Variants in ZEB1 observed in about 807,000 individuals in gnomAD.
ZEB1 encodes zinc finger E-box binding homeobox 1.
In ZEB1, 21 loss-of-function variants were observed where a neutral mutation model predicts 84.9. The ratio of observed to expected loss-of-function variants is 0.25; its 90% confidence interval spans 0.18 to 0.36. The LOEUF is 0.36. Among genes scored for constraint, ZEB1 ranks in the 10% least tolerant of loss-of-function variants. ZEB1 has a pLI of 1.00. For synonymous variants in ZEB1, 420 were observed against 471.1 expected (o/e 0.89, Z 1.41); for missense variants, 1,104 against 1,330.2 (o/e 0.83, Z 2.65).
intron 1 of ZEB1, among the ~76,000 whole-genome samples, chr10:31,390,320 C>A (rs546940644): frequency 6.6e-6 from 1 of 152,046 alleles, no homozygotes; most frequent in African/African-American, 2.4e-5. Context: ...TCTTTCTCTG[C>A]GCAGGATTTT....
At chr10:31,469,355 G>A (rs1373493807) in intron 2 of ZEB1, among the ~76,000 whole-genome samples, 5 of 152,142 alleles carry the variant, frequency 3.3e-5, no homozygotes, top group South Asian at 2.1e-4. Context: ...GTGGGTGCGC[G>A]CACCATGCGT....
intron 2 of ZEB1, among the ~76,000 whole-genome samples, chr10:31,466,967 A>G (rs2137688692): frequency 6.6e-6 from 1 of 152,320 alleles, no homozygotes; most frequent in Admixed American, 6.5e-5. Flanking sequence ...TTCTACAGAG[A>G]GGAACCAAAA....
At chr10:31,461,276 A>G in intron 2 of ZEB1, 39 bp downstream of exon 2, 1 of 1,551,704 alleles carries the variant, frequency 6.4e-7, no homozygotes. Flanking sequence ...TATTCTCATG[A>G]TTCGTTTTTT....
At chr10:31,361,303 C>T in intron 1 of ZEB1, 1 of 1,290,734 alleles carries the variant, frequency 7.7e-7, no homozygotes. Context: ...AGCCATTCTC[C>T]TGCCTCAGCC....
chr10:31,442,979 G>A (rs529738643), intron 1 of ZEB1, among the ~76,000 whole-genome samples: 13 of 151,852 alleles, frequency 8.6e-5, no homozygotes, highest in Non-Finnish European at 1.8e-4. Flanking sequence ...AAGTATAGAG[G>A]GACTGAGATA....
chr10:31,325,679 A>C (rs1233644286), intron 1 of ZEB1, among the ~76,000 whole-genome samples: 1 of 151,984 alleles, frequency 6.6e-6, no homozygotes. Context: ...ATTCAGATTT[A>C]AAATTAAATG....
chr10:31,453,658 A>G (rs2060859920), intron 1 of ZEB1, among the ~76,000 whole-genome samples: 1 of 152,224 alleles, frequency 6.6e-6, no homozygotes, highest in Non-Finnish European at 1.5e-5. Flanking sequence ...AAAATCTGGA[A>G]GAAATGGATA....
intron 1 of ZEB1, among the ~76,000 whole-genome samples, chr10:31,342,349 A>G (rs1218688993): frequency 6.6e-6 from 1 of 152,164 alleles, no homozygotes. Context: ...CTGATGGAAA[A>G]TAGAGAAATT....
chr10:31,355,872 G>A (rs1006574765), intron 1 of ZEB1, among the ~76,000 whole-genome samples: 2 of 152,044 alleles, frequency 1.3e-5, no homozygotes, highest in African/African-American at 4.8e-5. Context: ...TTTAAGCATC[G>A]GGGTATGCCA....
intron 5 of ZEB1, among the ~76,000 whole-genome samples, chr10:31,511,371 A>G (rs2069985964): frequency 6.6e-6 from 1 of 152,178 alleles, no homozygotes; most frequent in Admixed American, 6.5e-5. Flanking sequence ...TCCTCTAAAA[A>G]TCTAAAGTTT....
At chr10:31,383,310 G>T (rs2048028923) in intron 1 of ZEB1, among the ~76,000 whole-genome samples, 1 of 152,050 alleles carries the variant, frequency 6.6e-6, no homozygotes, top group African/African-American at 2.4e-5. Flanking sequence ...CTGAGAAACT[G>T]AATTTTTAAT....
Position 31,521,550 on chromosome 10 carries a change from C to A in ZEB1, c.2218C>A (p.Leu740Ile), listed in dbSNP as rs893808879. The A allele has an allele frequency of 6.2e-7, 1 of 1,613,990 alleles. No individual in the cohort carries two copies. Among genetic ancestry groups the A allele is most frequent in the African/African-American group, 1.3e-5 (1 of 74,924 alleles). ...EPQVEPLDLS[L>I]PKQQGELLER... ...ACAAGTAGAACCTCTTGATCTTTCA[C>A]TACCAAAGCAACAGGGAGAATTATT... Residue 740 changes from leucine to isoleucine, a missense_variant, in exon 7 of 9, where the codon CTA becomes ATA. By Grantham distance (5) the Leu-to-Ile change is conservative. Transcript: ENST00000424869.
intron 1 of ZEB1, among the ~76,000 whole-genome samples, chr10:31,376,983 C>T (rs1394929697): frequency 1.3e-5 from 2 of 151,350 alleles, no homozygotes; most frequent in Non-Finnish European, 3.0e-5. Context: ...AAAAAAAAGT[C>T]CGTGAAATTC....
rs767228225 is a variant in ZEB1, at chr10:31,526,933, C to T, written c.3047C>T (p.Ala1016Val). 9.9e-6 allele frequency: 16 copies of T among 1,613,874 alleles called. No homozygotes were observed. Among genetic ancestry groups the T allele is most frequent in the South Asian group, 4.4e-5 (4 of 91,078 alleles). Reference sequence around the variant, plus strand: ...TCGAATGAGCACGTGGGTGCCAGGGCGTCTCCCTCACAGGGCGACTCGGAC... The same window carrying T: ...TCGAATGAGCACGTGGGTGCCAGGGTGTCTCCCTCACAGGGCGACTCGGAC... ...ILSNEHVGAR[A>V]SPSQGDSDER... The change falls in exon 9 of 9, where the codon GCG (alanine) becomes GTG (valine). Residue 1016 changes from alanine (A) to valine (V), a missense_variant. Transcript: ENST00000424869.
chr10:31,326,230 A>T (rs2035466888), intron 1 of ZEB1, among the ~76,000 whole-genome samples: 1 of 152,106 alleles, frequency 6.6e-6, no homozygotes, highest in South Asian at 2.1e-4. Flanking sequence ...GAAATCCTTC[A>T]AGGAGTAGAT....
chr10:31,336,710 A>G (rs937886972), intron 1 of ZEB1, among the ~76,000 whole-genome samples: 1 of 152,174 alleles, frequency 6.6e-6, no homozygotes, highest in African/African-American at 2.4e-5. Context: ...TCGTTTGGCC[A>G]AGGAGTGTAT....
chr10:31,442,541 A>G (rs978527285), intron 1 of ZEB1, among the ~76,000 whole-genome samples: 1 of 150,912 alleles, frequency 6.6e-6, no homozygotes, highest in East Asian at 1.9e-4. Context: ...CATGTACCCT[A>G]GAACTTAAAA....
intron 8 of ZEB1, among the ~76,000 whole-genome samples, chr10:31,524,769 TC>T (rs1347798215): frequency 0.015 from 2,293 of 152,240 alleles, 43 homozygotes; most frequent in African/African-American, 0.052. Flanking sequence ...TGGGCTAAAG[TC>T]ATAGGGAGAC....
intron 1 of ZEB1, among the ~76,000 whole-genome samples, chr10:31,349,226 C>T (rs906744159): frequency 7.2e-5 from 11 of 152,172 alleles, no homozygotes; most frequent in African/African-American, 2.7e-4. Flanking sequence ...CCAGGTTCAT[C>T]CGTGTCGTTG....
Sources: gnomAD v4.1 joint callset for allele counts (sites outside exome capture counted in the v4.1 genomes callset) on GRCh38, gnomAD v4.1.1 for gene constraint, MANE v1.5 for transcripts, NCBI Gene and HGNC (gene_info 2026-07-23, HGNC 2026-07-21) for gene names.